The following KIF2C variants were observed in gnomAD, a reference collection of about 807,000 sequenced individuals.
KIF2C encodes the protein kinesin family member 2C.
In KIF2C, 34 loss-of-function variants were observed where a neutral mutation model predicts 97.4. The ratio of observed to expected loss-of-function variants is 0.35; its 90% CI spans 0.27 to 0.46. The LOEUF (loss-of-function observed/expected upper bound fraction) is 0.46. Among genes scored for constraint, KIF2C ranks in the 20% least tolerant of loss-of-function variants. The pLI is 1.00. For missense variants in KIF2C, 750 were observed against 907.6 expected (o/e 0.83, Z 2.23); for synonymous variants, 313 against 318.2 (o/e 0.98, Z 0.17).
chr1:44,739,987 A>G lies in KIF2C; in HGVS notation c.55A>G (p.Ile19Val). 6.2e-7 allele frequency: 1 copy of G among 1,614,174 alleles called. No homozygotes were observed. The highest frequency in any genetic ancestry group is 2.2e-5 in the East Asian group (1 of 44,884). The change falls in exon 1 of 21, where the codon ATC becomes GTC. Residue 19 changes from isoleucine (I) to valine (V), a missense_variant. Ile to Val is a conservative substitution (Grantham distance 29). Coordinates refer to ENST00000372224, the MANE Select transcript of KIF2C (RefSeq NM_006845.4). Reference protein sequence around the residue: ...ARLFPGLAIKIQRSNGLIHSA... With the variant: ...ARLFPGLAIKVQRSNGLIHSA... ...CCTGTTTCCCGGTCTCGCTATCAAG[A>G]TCCAACGCAGTAATGGTGAGGAGCG...
chr1:44,753,031 C>G, intron 5 of KIF2C, 101 bp from the exon 6 acceptor site: 1 of 1,402,622 alleles, frequency 7.1e-7, no homozygotes, highest in Non-Finnish European at 9.8e-7. Context: ...CCTTACCGAG[C>G]AGGCAGGTCG....
intron 16 of KIF2C, among the ~76,000 whole-genome samples, chr1:44,761,563 G>A (rs112936820): frequency 4.0e-5 from 6 of 151,066 alleles, no homozygotes; most frequent in African/African-American, 1.2e-4. Context: ...AGCTGAGATC[G>A]CACCACTGCA....
At chr1:44,748,864 AGGAT>A (rs1295964367) in intron 4 of KIF2C, among the ~76,000 whole-genome samples, 2 of 151,132 alleles carry the variant, frequency 1.3e-5, no homozygotes, top group African/African-American at 4.9e-5. Flanking sequence ...TTTTTTCTTT[AGGAT>A]GGAGTCTCGC....
intron 19 of KIF2C, among the ~76,000 whole-genome samples, chr1:44,763,470 C>T (rs16832234): frequency 0.015 from 2,292 of 152,152 alleles, 62 homozygotes; most frequent in African/African-American, 0.053. Flanking sequence ...AGAGGCTCAC[C>T]GTGGTCAGAG....
At chr1:44,740,846 T>C in intron 1 of KIF2C, 67 bp from the exon 2 acceptor site, 1 of 991,488 alleles carries the variant, frequency 1.0e-6, no homozygotes, top group African/African-American at 1.6e-5. Flanking sequence ...TGGGAATCTC[T>C]GTGGAATCCT....
rs539926095 is a variant in KIF2C at position 44,750,371 on chromosome 1, A to G, written c.317-71A>G. ...GGGACCTATTTCACCTTGTACAGAAACTTGGAGGTTTGCCCCTGACCACCC... is the reference window on the plus strand; with the variant it reads ...GGGACCTATTTCACCTTGTACAGAAGCTTGGAGGTTTGCCCCTGACCACCC... On this transcript the variant is annotated intron_variant, in intron 4 of 20. Transcript: ENST00000372224. 1.5e-5 allele frequency: 20 copies of G among 1,315,132 alleles called. No homozygotes were observed. The East Asian group carries it at 5.6e-4, about 37-fold the overall frequency. The allele number at this position is 1,315,132 out of a possible 1,614,324, so 81.5% of individuals were successfully genotyped here. A position where few individuals can be genotyped will look rare whatever the true frequency, so the allele number is the denominator to read the frequency against.
At position 44,753,151 on chromosome 1, in the gene KIF2C, C is replaced by G. The variant is rs762027575; in HGVS notation, c.459C>G (p.Ser153=). ...FSVPPAPTRP[S]CPAVAEIPLR... ...CTACAGCTGCCCCCACTAGGCCTTC[C>G]TGCCCTGCAGTGGCTGAAATACCAT... is the stretch of plus-strand genomic sequence containing the variant. Residue 153 remains serine, a synonymous_variant, in exon 6 of 21, where the codon TCC becomes TCG. Transcript: ENST00000372224. 5.0e-6 allele frequency: 8 copies of G among 1,613,208 alleles called. No individual in the cohort carries two copies. In the Admixed American group the frequency reaches 8.3e-5, roughly 17 times the overall value.
intron 2 of KIF2C, among the ~76,000 whole-genome samples, chr1:44,745,857 A>G (rs1248009411): frequency 1.3e-5 from 2 of 151,602 alleles, no homozygotes; most frequent in Non-Finnish European, 2.9e-5. Context: ...TAGGCAGCAA[A>G]TAACTGCAGA....
In KIF2C at chr1:44,758,132, A is replaced by T. The variant is rs970750632; in HGVS notation, c.1216A>T (p.Asn406Tyr). The change falls in exon 13 of 21, where the codon AAT becomes TAT. Residue 406 changes from asparagine to tyrosine, a missense_variant. Transcript: ENST00000372224. ...CTATGTGACATTCTTCGAGATCTAC[A>T]ATGGGAAGGTAGCTGGCAGGAAGCC... is the stretch of plus-strand genomic sequence containing the variant. ...EVYVTFFEIY[N>Y]GKLFDLLNKK... 1 of 1,613,840 alleles carries T rather than the reference A, an allele frequency of 6.2e-7. No individual in the cohort carries two copies. Among genetic ancestry groups the T allele is most frequent in the African/African-American group, 1.3e-5 (1 of 74,940 alleles).
At chr1:44,765,414 A>G (rs1298048049) in intron 19 of KIF2C, among the ~76,000 whole-genome samples, 2 of 152,230 alleles carry the variant, frequency 1.3e-5, no homozygotes, top group Admixed American at 6.5e-5. Context: ...CATATGTAAC[A>G]AACCTGCACG....
At chr1:44,766,721 C>G in intron 19 of KIF2C, 105 bp from the exon 20 acceptor site, 2 of 1,279,684 alleles carry the variant, frequency 1.6e-6, no homozygotes, top group South Asian at 2.9e-5. Flanking sequence ...GGTCAGGGAC[C>G]AGAGGTAAAG....
chr1:44,748,707 A>ATTTTTTTTTT (rs928683142), intron 4 of KIF2C, among the ~76,000 whole-genome samples: 15 of 123,138 alleles, frequency 1.2e-4, no homozygotes, highest in African/African-American at 4.9e-4. Flanking sequence ...CACCTGGCTA[A>ATTTTTTTTTT]TTTTTTTTTT....
At position 44,757,899 on chromosome 1, in the gene KIF2C, C is replaced by T; in HGVS notation, c.1069-9C>T. ...CTTTTCCATGGTCTTCTACCCCTTC[C>T]CTTTGCAGACTATGGGCGGAGACCT... is the stretch of plus-strand genomic sequence containing the variant. On this transcript the variant is annotated splice_polypyrimidine_tract_variant and intron_variant, in intron 11 of 20. Transcript: ENST00000372224. 1 of 1,613,934 alleles carries T rather than the reference C, an allele frequency of 6.2e-7. No homozygotes were observed. The highest frequency in any genetic ancestry group is 8.5e-7 in the Non-Finnish European group (1 of 1,179,936).
intron 8 of KIF2C, among the ~76,000 whole-genome samples, 176 bp from the exon 9 acceptor site, chr1:44,755,753 G>A (rs1649794309): frequency 6.6e-6 from 1 of 152,200 alleles, no homozygotes; most frequent in Admixed American, 6.6e-5. Context: ...ACAAAATCCA[G>A]TGCTCCCTTC....
chr1:44,753,437 C>A (rs1649635873), intron 6 of KIF2C, among the ~76,000 whole-genome samples, 183 bp downstream of exon 6: 1 of 152,204 alleles, frequency 6.6e-6, no homozygotes, highest in Non-Finnish European at 1.5e-5. Flanking sequence ...TGTTTCACTT[C>A]TGTGGTTGTT....
Position 44,749,472 on chromosome 1 carries a change from C to T in KIF2C, c.317-970C>T, listed in dbSNP as rs566271974. On this transcript the variant is annotated intron_variant, in intron 4 of 20. Transcript: ENST00000372224. Reference sequence around the variant, plus strand: ...AAAAAAAATTACAGATCATTTGGGGCTAGATGTGATGGCTCACACCTGTAA... The same window carrying T: ...AAAAAAAATTACAGATCATTTGGGGTTAGATGTGATGGCTCACACCTGTAA... Among the ~76,000 whole-genome samples, 14 of 151,376 alleles carry T rather than the reference C, an allele frequency of 9.2e-5. No individual in the cohort carries two copies. In the South Asian group the frequency reaches 2.9e-3, roughly 32 times the overall value.
intron 19 of KIF2C, among the ~76,000 whole-genome samples, chr1:44,763,520 T>C (rs933200430): frequency 2.6e-5 from 4 of 152,138 alleles, no homozygotes; most frequent in Admixed American, 6.6e-5. Context: ...GTTAAGGCTG[T>C]GGACAGGTCA....
chr1:44,760,328 G>T lies in KIF2C; in HGVS notation c.1416G>T (p.Ala472=). The T allele has an allele frequency of 6.2e-7, 1 of 1,614,154 alleles. No individual in the cohort carries two copies. The highest frequency in any genetic ancestry group is 1.1e-5 in the South Asian group (1 of 91,078). ...FANSNSSRSH[A]CFQIILRAKG... The stretch of plus-strand genomic sequence containing the variant: ...ACTCCAATTCCTCCCGCTCCCACGC[G>T]TGCTTCCAAATTATTCTTCGAGCTA... The change falls in exon 15 of 21, where the codon GCG becomes GCT. Residue 472 remains alanine (A), a synonymous_variant. Transcript: ENST00000372224. This position sits in a 1 kb window ranked among gnomAD's most constrained non-coding sequence, Gnocchi z 4.2.
intron 10 of KIF2C, among the ~76,000 whole-genome samples, chr1:44,756,544 C>CTTTTTT (rs67641740): frequency 2.9e-4 from 19 of 65,252 alleles, no homozygotes; most frequent in South Asian, 5.8e-4. Context: ...GCTCTATCTG[C>CTTTTTT]TTTTTTTTTT....
Sources: allele counts gnomAD v4.1 joint callset (sites outside exome capture counted in the v4.1 genomes callset), GRCh38; gene constraint gnomAD v4.1.1; non-coding constraint Gnocchi (gnomAD v3.1); transcripts MANE v1.5; gene names NCBI Gene and HGNC (gene_info 2026-07-23, HGNC 2026-07-21).